The following PCDHGB3 variants were observed in gnomAD, a reference collection of about 807,000 sequenced individuals.
PCDHGB3 encodes protocadherin gamma-B3.
Under a neutral mutation model 59.2 loss-of-function variants are expected in PCDHGB3, and 40 were observed. The observed-to-expected ratio is 0.68, with a 90% CI of 0.52 to 0.88. The LOEUF (loss-of-function observed/expected upper bound fraction) is 0.88, where lower values mean the gene tolerates loss of function less well. Among genes scored for constraint, PCDHGB3 ranks in the 40% least tolerant of loss-of-function variants. PCDHGB3 has a pLI of 0.00. For synonymous variants in PCDHGB3, 581 were observed against 503.6 expected, an observed-to-expected ratio of 1.15 and a Z score of -2.06; for missense variants, 1,309 against 1,187.9, an observed-to-expected ratio of 1.10 and a Z score of -1.50.
At chr5:141,435,413 A>G (rs1422263053) in intron 1 of PCDHGB3, among the ~76,000 whole-genome samples, 1 of 152,122 alleles carries the variant, frequency 6.6e-6, no homozygotes, top group Admixed American at 6.5e-5. Flanking sequence ...GGTAAAGACT[A>G]TTTTTCACTT....
At chr5:141,398,506 A>G (rs2093664607) in intron 1 of PCDHGB3, 1 of 1,601,998 alleles carries the variant, frequency 6.2e-7, no homozygotes, top group South Asian at 1.1e-5. Context: ...CGAGGACATT[A>G]ATGACCACAC....
Position 141,431,054 on chromosome 5 carries a change from G to A in PCDHGB3, c.2415+58245G>A, listed in dbSNP as rs532584174. 1 of 1,614,198 alleles carries A rather than the reference G, an allele frequency of 6.2e-7. No individual in the cohort carries two copies. Among genetic ancestry groups the A allele is most frequent in the African/African-American group, 1.3e-5 (1 of 75,076 alleles). ...AGACCGGGAGGAGCTCTGTATGGGG[G>A]CCATCAAGTGTCAATTAAATCTAGA... On this transcript the variant is annotated intron_variant, in intron 1 of 3. Transcript: ENST00000576222. This position sits in a 1 kb window ranked among gnomAD's most constrained non-coding sequence, Gnocchi z 4.8.
intron 1 of PCDHGB3, chr5:141,423,287 C>T: frequency 6.3e-7 from 1 of 1,586,406 alleles, no homozygotes; most frequent in South Asian, 1.1e-5. Flanking sequence ...AACTCTGAAA[C>T]CTCAGACCTC....
intron 1 of PCDHGB3, among the ~76,000 whole-genome samples, chr5:141,407,044 A>G (rs972892343): frequency 6.6e-6 from 1 of 152,246 alleles, no homozygotes; most frequent in African/African-American, 2.4e-5. Flanking sequence ...TGTGATCCAT[A>G]GATACACTGA....
At chr5:141,462,203 G>T (rs544238255) in intron 1 of PCDHGB3, among the ~76,000 whole-genome samples, 2 of 152,036 alleles carry the variant, frequency 1.3e-5, no homozygotes, top group African/African-American at 4.8e-5. Flanking sequence ...CAGGTGATCC[G>T]CCTGCCTCGG....
chr5:141,406,257 C>T (rs1180988990), intron 1 of PCDHGB3, among the ~76,000 whole-genome samples: 1 of 151,898 alleles, frequency 6.6e-6, no homozygotes, highest in African/African-American at 2.4e-5. Context: ...TGGTCTCAAA[C>T]GATCTTCCTG....
At position 141,468,868 on chromosome 5, in the gene PCDHGB3, A is replaced by AAAT. The variant is rs993655754; in HGVS notation, c.2416-25921_2416-25919dup. Among the ~76,000 whole-genome samples, 30 of 151,912 alleles carry AAAT rather than the reference A, an allele frequency of 2.0e-4. No homozygotes were observed. The East Asian group carries it at 4.3e-3, about 22-fold the overall frequency. On this transcript the variant is annotated intron_variant, in intron 1 of 3. Coordinates refer to ENST00000576222, the MANE Select transcript of PCDHGB3 (RefSeq NM_018924.5). ...GCAACAGAGCGAGACTCCATCTCAAAAATAATAATAATAATAATAAGGTAC... is the reference window on the plus strand; with the variant it reads ...GCAACAGAGCGAGACTCCATCTCAAAAATAATAATAATAATAATAATAAGGTAC...
In PCDHGB3 at chr5:141,431,766, C is replaced by T. The variant is rs1474420822; in HGVS notation, c.2415+58957C>T. Reference sequence around the variant, plus strand: ...TCTGCGCGAGCCAAAGTCCTGATCACTGTTCTGGACGTGAACGACAATGCC... The same window carrying T: ...TCTGCGCGAGCCAAAGTCCTGATCATTGTTCTGGACGTGAACGACAATGCC... On this transcript the variant is annotated intron_variant, in intron 1 of 3. Transcript: ENST00000576222. The surrounding 1 kb of genome is among the most constrained non-coding windows in gnomAD (Gnocchi z 4.8). 2.5e-6 allele frequency: 4 copies of T among 1,614,196 alleles called. No individual in the cohort carries two copies. Among genetic ancestry groups the T allele is most frequent in the Non-Finnish European group, 3.4e-6 (4 of 1,180,010 alleles).
chr5:141,471,618 A>C (rs1421854064), intron 1 of PCDHGB3: 1 of 152,218 alleles, frequency 6.6e-6, no homozygotes, highest in Non-Finnish European at 1.5e-5. Context: ...TGGGAGTAGT[A>C]AGCATTGGTA....
chr5:141,449,098 G>A (rs1314761371), intron 1 of PCDHGB3, among the ~76,000 whole-genome samples: 1 of 152,140 alleles, frequency 6.6e-6, no homozygotes, highest in Admixed American at 6.5e-5. Context: ...TTTTACATAT[G>A]CAGTATATCT....
chr5:141,472,095 C>T (rs1186697747), intron 1 of PCDHGB3, among the ~76,000 whole-genome samples: 1 of 151,998 alleles, frequency 6.6e-6, no homozygotes, highest in African/African-American at 2.4e-5. Flanking sequence ...TATTATTATT[C>T]CCATTTTATA....
In PCDHGB3 at chr5:141,486,474, C is replaced by T. The variant is rs1594589698; in HGVS notation, c.2416-8333C>T. On this transcript the variant is annotated intron_variant, in intron 1 of 3. Transcript: ENST00000576222. This position sits in a 1 kb window ranked among gnomAD's most constrained non-coding sequence, Gnocchi z 5.0. ...ACTGCTTCTGATGCTGGGAACCCTCCTCTCAGTACCCACAGAACTATTTTC... is the reference window on the plus strand; with the variant it reads ...ACTGCTTCTGATGCTGGGAACCCTCTTCTCAGTACCCACAGAACTATTTTC... 1 of 1,614,016 alleles carries T rather than the reference C, an allele frequency of 6.2e-7. No homozygotes were observed. Among genetic ancestry groups the T allele is most frequent in the South Asian group, 1.1e-5 (1 of 91,082 alleles).
chr5:141,449,588 CAAAAAAAAAAA>C (rs768743917), intron 1 of PCDHGB3, among the ~76,000 whole-genome samples: 1 of 57,492 alleles, frequency 1.7e-5, no homozygotes, highest in Non-Finnish European at 3.7e-5. Flanking sequence ...GACTCTGTCT[CAAAAAAAAAAA>C]AAAAAAAAGT....
At chr5:141,374,646 G>C in intron 1 of PCDHGB3, 4 of 1,612,728 alleles carry the variant, frequency 2.5e-6, no homozygotes, top group Non-Finnish European at 3.4e-6. Flanking sequence ...GAAGCCCATG[G>C]GCCCAAGTAC....
intron 1 of PCDHGB3, chr5:141,414,152 A>G (rs1251267001): frequency 1.9e-6 from 3 of 1,600,994 alleles, no homozygotes; most frequent in Non-Finnish European, 2.6e-6. Context: ...ATACAAGCAG[A>G]AGATGGAGGA....
At chr5:141,483,757 C>T (rs895694800) in intron 1 of PCDHGB3, among the ~76,000 whole-genome samples, 1 of 151,984 alleles carries the variant, frequency 6.6e-6, no homozygotes, top group Non-Finnish European at 1.5e-5. Flanking sequence ...AGGATCGAGG[C>T]TTGGAAAAAT....
Position 141,371,610 on chromosome 5 carries a change from A to G in PCDHGB3, c.1216A>G (p.Thr406Ala), listed in dbSNP as rs1767883802. 2.5e-6 allele frequency: 4 copies of G among 1,613,888 alleles called. No homozygotes were observed. In the East Asian group the frequency reaches 8.9e-5, roughly 36 times the overall value. The change falls in exon 1 of 4, where the codon ACA becomes GCA. Residue 406 changes from threonine (T) to alanine (A), a missense_variant. Physicochemically the swap from Thr to Ala is moderately conservative, Grantham distance 58. Coordinates refer to ENST00000576222, the MANE Select transcript of PCDHGB3 (RefSeq NM_018924.5). ...QDTKNTYRLV[T>A]DGALDREQIP... ...TACCAAAAACACATACAGGTTGGTG[A>G]CAGATGGAGCCCTGGACCGGGAGCA...
At chr5:141,444,788 G>T (rs775248284) in intron 1 of PCDHGB3, among the ~76,000 whole-genome samples, 59 of 151,920 alleles carry the variant, frequency 3.9e-4, no homozygotes, top group Non-Finnish European at 5.7e-4. Context: ...TGTTTCATTT[G>T]TCTATTCTTT....
At position 141,512,350 on chromosome 5, in the gene PCDHGB3, G is replaced by C. The variant is rs1406428686; in HGVS notation, c.*1177G>C. ...CCATTCTTAGTCCCTGGGTTGGGGA[G>C]GCAGGGAGCTAGGGCAGGGACCAAA... is the stretch of plus-strand genomic sequence containing the variant. On this transcript the variant is annotated 3_prime_UTR_variant, in exon 4 of 4. Transcript: ENST00000576222. The C allele has an allele frequency of 6.5e-6, 1 of 152,906 alleles. No homozygotes were observed. The highest frequency in any genetic ancestry group is 1.9e-4 in the East Asian group (1 of 5,208). 9.5% of individuals were successfully genotyped at this position (152,906 alleles called of 1,614,324 possible).
Sources: gnomAD v4.1 joint callset for allele counts (sites outside exome capture counted in the v4.1 genomes callset) on GRCh38, gnomAD v4.1.1 for gene constraint, Gnocchi (gnomAD v3.1) non-coding constraint, MANE v1.5 for transcripts, NCBI Gene and HGNC (gene_info 2026-07-23, HGNC 2026-07-21) for gene names.